GRIN2A: variants seen among roughly 807,000 people sequenced by gnomAD.
GRIN2A encodes glutamate ionotropic receptor NMDA type subunit 2A.
A neutral mutation model predicts 113.4 loss-of-function variants in GRIN2A; 22 were observed. The observed-to-expected ratio is 0.19, with a 90% CI of 0.14 to 0.28. GRIN2A has a LOEUF of 0.28. Ranked by LOEUF, GRIN2A falls within the 10% of genes least tolerant of loss-of-function variation. GRIN2A has a pLI of 1.00. For synonymous variants in GRIN2A, 827 were observed against 738.4 expected, an observed-to-expected ratio of 1.12 and a Z score of -1.94; for missense variants, 1,502 against 1,887.0, an observed-to-expected ratio of 0.80 and a Z score of 3.78.
chr16:10,038,623 C>A (rs1344383174), intron 2 of GRIN2A, among the ~76,000 whole-genome samples: 1 of 152,000 alleles, frequency 6.6e-6, no homozygotes, highest in African/African-American at 2.4e-5. Flanking sequence ...GCGGGCAGAT[C>A]ACGAGGTCAG....
intron 8 of GRIN2A, among the ~76,000 whole-genome samples, chr16:9,830,303 A>G (rs1396763780): frequency 2.6e-5 from 4 of 152,246 alleles, no homozygotes; most frequent in Non-Finnish European, 5.9e-5. Flanking sequence ...GTCATATCAC[A>G]GCACTTTTTC....
chr16:9,765,847 A>T (rs1900888438), intron 12 of GRIN2A, among the ~76,000 whole-genome samples: 1 of 152,212 alleles, frequency 6.6e-6, no homozygotes, highest in African/African-American at 2.4e-5. Flanking sequence ...CTTTAAATCC[A>T]TCCAGGGAAC....
intron 4 of GRIN2A, among the ~76,000 whole-genome samples, chr16:9,864,507 G>T (rs973675170): frequency 6.6e-6 from 1 of 152,056 alleles, no homozygotes; most frequent in Non-Finnish European, 1.5e-5. Flanking sequence ...AAGGAGATAA[G>T]TTCCAGGTAA....
intron 2 of GRIN2A, among the ~76,000 whole-genome samples, chr16:9,989,758 T>C (rs1016795626): frequency 6.6e-6 from 1 of 152,022 alleles, no homozygotes; most frequent in Non-Finnish European, 1.5e-5. Context: ...AAGACATACA[T>C]ACAGTGGTCA....
At chr16:9,972,168 A>G (rs1197314730) in intron 2 of GRIN2A, among the ~76,000 whole-genome samples, 1 of 152,222 alleles carries the variant, frequency 6.6e-6, no homozygotes, top group East Asian at 1.9e-4. Context: ...GGCTCAAAGT[A>G]GTTTGCATTT....
chr16:9,865,261 G>A (rs1385170613), intron 4 of GRIN2A, among the ~76,000 whole-genome samples: 1 of 152,116 alleles, frequency 6.6e-6, no homozygotes, highest in African/African-American at 2.4e-5. Flanking sequence ...GATAAGACTT[G>A]CTGTTTTTGA....
At chr16:10,145,750 C>A (rs747589619) in intron 2 of GRIN2A, among the ~76,000 whole-genome samples, 2 of 152,204 alleles carry the variant, frequency 1.3e-5, no homozygotes, top group Non-Finnish European at 2.9e-5. Context: ...GTCGCCATAG[C>A]AACTGCTTAA....
At position 9,965,951 on chromosome 16, in the gene GRIN2A, C is replaced by G. The variant is rs571827695; in HGVS notation, c.415-27400G>C. The stretch of plus-strand genomic sequence containing the variant: ...TTTTAAATAAAACACTTGCCAATTG[C>G]TGCTTTACAATACTTTCTGGTAGCT... On this transcript the variant is annotated intron_variant, in intron 2 of 12. Coordinates refer to ENST00000330684, the MANE Select transcript of GRIN2A (RefSeq NM_001134407.3). 2.0e-5 allele frequency among the ~76,000 whole-genome samples: 3 copies of G among 152,316 alleles called. No homozygotes were observed. The East Asian group carries it at 5.8e-4, about 29-fold the overall frequency.
chr16:10,086,531 T>C (rs1321973591), intron 2 of GRIN2A, among the ~76,000 whole-genome samples: 1 of 142,960 alleles, frequency 7.0e-6, no homozygotes, highest in African/African-American at 2.6e-5. Flanking sequence ...CCTTCTTCAC[T>C]AGCTCAGAAG....
rs148909764 is a variant in GRIN2A at position 10,175,494 on chromosome 16, T to C, written c.414+4504A>G. 1.4e-3 allele frequency among the ~76,000 whole-genome samples: 215 copies of C among 152,334 alleles called. 2 individuals are homozygous for C. The East Asian group carries it at 0.031, about 22-fold the overall frequency. On this transcript the variant is annotated intron_variant, in intron 2 of 12. Transcript: ENST00000330684. ...TGTCAGTAATGTTTACCCATGGTGATAGGATTTGGAGAGAGATTTTTATCT... is the reference window on the plus strand; with the variant it reads ...TGTCAGTAATGTTTACCCATGGTGACAGGATTTGGAGAGAGATTTTTATCT...
chr16:10,110,536 G>T (rs550136311), intron 2 of GRIN2A, among the ~76,000 whole-genome samples: 177 of 152,370 alleles, frequency 1.2e-3, no homozygotes, highest in Non-Finnish European at 2.3e-3. Flanking sequence ...ATCCAGGGGA[G>T]TGATGGCGCC....
chr16:10,032,420 T>C (rs978139497), intron 2 of GRIN2A, among the ~76,000 whole-genome samples: 5 of 152,234 alleles, frequency 3.3e-5, no homozygotes, highest in Admixed American at 2.0e-4. Context: ...TCCACAGAGA[T>C]ACCTTGATCT....
In GRIN2A at chr16:9,754,179, C is replaced by T. The variant is rs1001721640; in HGVS notation, c.*8970G>A. The T allele has an allele frequency of 1.6e-5, 3 of 187,348 alleles. No homozygotes were observed. The highest frequency in any genetic ancestry group is 6.2e-5 in the Admixed American group (1 of 16,114). The allele number at this position is 187,348 out of a possible 1,614,324, so 11.6% of individuals were successfully genotyped here. On this transcript the variant is annotated 3_prime_UTR_variant, in exon 13 of 13. Transcript: ENST00000330684. ...TATATACTATACATAAACATATACA[C>T]ATAAACATTCTGGGGTGATATAAAC...
intron 10 of GRIN2A, among the ~76,000 whole-genome samples, chr16:9,799,821 C>T (rs1903247695): frequency 6.6e-6 from 1 of 151,998 alleles, no homozygotes; most frequent in South Asian, 2.1e-4. Flanking sequence ...TAATAAAATG[C>T]TTGATGAATT....
intron 3 of GRIN2A, among the ~76,000 whole-genome samples, chr16:9,915,818 G>A (rs1316485046): frequency 6.6e-6 from 1 of 152,162 alleles, no homozygotes; most frequent in Non-Finnish European, 1.5e-5. Flanking sequence ...CTGTTAAATG[G>A]AGATACTAAT....
intron 4 of GRIN2A, among the ~76,000 whole-genome samples, chr16:9,869,263 T>C (rs187437777): frequency 1.4e-4 from 21 of 152,200 alleles, no homozygotes; most frequent in African/African-American, 4.3e-4. Context: ...CAAAACTCTG[T>C]CTCTACTAAA....
intron 2 of GRIN2A, chr16:10,037,277 T>C (rs2047054706): frequency 6.6e-6 from 1 of 151,858 alleles, no homozygotes; most frequent in Non-Finnish European, 1.5e-5. Flanking sequence ...CTTCTTGAAA[T>C]ATAAAAACGA....
chr16:9,980,892 G>C (rs897427339), intron 2 of GRIN2A, among the ~76,000 whole-genome samples: 4 of 151,590 alleles, frequency 2.6e-5, no homozygotes, highest in African/African-American at 9.7e-5. Flanking sequence ...AATGCTAAAT[G>C]ATGAGTTAAT....
At chr16:9,797,746 C>G (rs1395238278) in intron 11 of GRIN2A, among the ~76,000 whole-genome samples, 1 of 152,160 alleles carries the variant, frequency 6.6e-6, no homozygotes, top group Non-Finnish European at 1.5e-5. Flanking sequence ...CACAGCCTAC[C>G]AACATGTGAG....
Sources: allele counts gnomAD v4.1 joint callset (sites outside exome capture counted in the v4.1 genomes callset), GRCh38; gene constraint gnomAD v4.1.1; transcripts MANE v1.5; gene names NCBI Gene and HGNC (gene_info 2026-07-23, HGNC 2026-07-21).